The following PCDH15 variants were observed in gnomAD, a reference collection of about 807,000 sequenced individuals.
PCDH15 encodes protocadherin-15.
In PCDH15, 129 loss-of-function variants were observed where a neutral mutation model predicts 178.5. The observed-to-expected ratio is 0.72, with a 90% confidence interval of 0.63 to 0.84. PCDH15 has a LOEUF of 0.84. PCDH15 is among the 40% of genes least tolerant of loss of function. PCDH15 has a pLI of 0.00. For synonymous variants in PCDH15, 800 were observed against 732.0 expected, an observed-to-expected ratio of 1.09 and a Z score of -1.50; for missense variants, 2,230 against 2,099.9, an observed-to-expected ratio of 1.06 and a Z score of -1.21.
intron 3 of PCDH15, among the ~76,000 whole-genome samples, chr10:54,510,300 A>T (rs1175553755): frequency 6.6e-6 from 1 of 152,180 alleles, no homozygotes; most frequent in Admixed American, 6.6e-5. Flanking sequence ...TAGCCAAAGA[A>T]CATATCTACC....
At chr10:54,190,117 T>C (rs975650351) in intron 11 of PCDH15, among the ~76,000 whole-genome samples, 1 of 152,144 alleles carries the variant, frequency 6.6e-6, no homozygotes, top group African/African-American at 2.4e-5. Context: ...TGGCTATTGT[T>C]TCTTAAAATG....
At chr10:54,001,489 G>A (rs2092132822) in intron 20 of PCDH15, among the ~76,000 whole-genome samples, 1 of 152,066 alleles carries the variant, frequency 6.6e-6, no homozygotes, top group African/African-American at 2.4e-5. Context: ...TATGCAAACA[G>A]TGTTGTTATC....
chr10:55,075,450 C>G (rs1458859118), intron 2 of PCDH15, among the ~76,000 whole-genome samples: 2 of 150,094 alleles, frequency 1.3e-5, no homozygotes, highest in Non-Finnish European at 2.9e-5. Context: ...ACAGCAACCT[C>G]TGCCTCCCGG....
At chr10:54,539,215 T>C (rs2084922274) in intron 2 of PCDH15, among the ~76,000 whole-genome samples, 1 of 152,184 alleles carries the variant, frequency 6.6e-6, no homozygotes, top group Non-Finnish European at 1.5e-5. Flanking sequence ...CACCCATTCA[T>C]CTGGTATCTT....
rs76910857 is a variant in PCDH15 at position 54,251,935 on chromosome 10, T to C, written c.877-15004A>G. Among the ~76,000 whole-genome samples, 178 of 152,162 alleles carry C rather than the reference T, an allele frequency of 1.2e-3. 1 individual carries two copies. In the East Asian group the frequency reaches 0.027, roughly 23 times the overall value. ...AACTTTTAAAAATAATTTAATAGTG[T>C]TTCTTTTAGTCAATCTTATTAAATA... On this transcript the variant is annotated intron_variant, in intron 8 of 37. Transcript: ENST00000644397.
intron 1 of PCDH15, among the ~76,000 whole-genome samples, chr10:54,758,660 T>C (rs903326055): frequency 6.6e-6 from 1 of 152,144 alleles, no homozygotes; most frequent in Non-Finnish European, 1.5e-5. Flanking sequence ...TCAATGAGAG[T>C]ACTTGAATTA....
chr10:55,043,169 T>A (rs868282484), intron 2 of PCDH15, among the ~76,000 whole-genome samples: 1 of 152,114 alleles, frequency 6.6e-6, no homozygotes, highest in African/African-American at 2.4e-5. Context: ...GGGAAGTAGA[T>A]TTTTTTTCTA....
At chr10:54,434,055 A>T (rs2075211027) in intron 3 of PCDH15, among the ~76,000 whole-genome samples, 1 of 152,170 alleles carries the variant, frequency 6.6e-6, no homozygotes, top group African/African-American at 2.4e-5. Context: ...GTGTTTAACA[A>T]AAAAATTTAA....
chr10:54,198,220 C>T (rs958529282), intron 10 of PCDH15, among the ~76,000 whole-genome samples: 2 of 152,068 alleles, frequency 1.3e-5, no homozygotes, highest in African/African-American at 4.8e-5. Flanking sequence ...GATGGATGTT[C>T]TTTTAGGAGT....
chr10:55,437,242 T>C (rs2132064004), intron 2 of PCDH15, among the ~76,000 whole-genome samples: 1 of 135,952 alleles, frequency 7.4e-6, no homozygotes, highest in East Asian at 2.3e-4. Context: ...AAATAAGAGC[T>C]GCTGAGTCAG....
chr10:54,552,126 T>A (rs2086684317), intron 2 of PCDH15, among the ~76,000 whole-genome samples: 1 of 152,134 alleles, frequency 6.6e-6, no homozygotes, highest in Non-Finnish European at 1.5e-5. Flanking sequence ...TTTACTTAAA[T>A]TAGACATATT....
intron 8 of PCDH15, among the ~76,000 whole-genome samples, chr10:54,269,773 C>T (rs1238396244): frequency 1.3e-5 from 2 of 151,820 alleles, no homozygotes; most frequent in Non-Finnish European, 2.9e-5. Context: ...GTGGTATTAC[C>T]CATAAATGCT....
At chr10:54,402,089 T>G (rs1041298522) in intron 3 of PCDH15, among the ~76,000 whole-genome samples, 1 of 151,826 alleles carries the variant, frequency 6.6e-6, no homozygotes, top group African/African-American at 2.4e-5. Flanking sequence ...GTTGGTTTAA[T>G]GTATAAAATA....
chr10:55,162,129 A>G lies in PCDH15; in HGVS notation c.-80+4447T>C, dbSNP rs1839083669. Among the ~76,000 whole-genome samples, 3 of 152,130 alleles carry G rather than the reference A, an allele frequency of 2.0e-5. No individual in the cohort carries two copies. In the South Asian group the frequency reaches 6.2e-4, roughly 32 times the overall value. ...TGCTGGACTTAAATTATTTAATCTA[A>G]TTTAAATGGAGTCAGGAATACCAGA... On this transcript the variant is annotated intron_variant, in intron 2 of 5. Transcript: ENST00000458638.
intron 3 of PCDH15, among the ~76,000 whole-genome samples, chr10:54,387,478 A>G (rs1565149015): frequency 1.3e-5 from 2 of 152,240 alleles, no homozygotes; most frequent in African/African-American, 4.8e-5. Flanking sequence ...CCACTCATGA[A>G]AAAACAAATA....
intron 2 of PCDH15, among the ~76,000 whole-genome samples, chr10:54,988,647 T>C (rs1166858410): frequency 6.6e-6 from 1 of 152,158 alleles, no homozygotes; most frequent in East Asian, 1.9e-4. Context: ...AGAGATGATT[T>C]AGGGCATCTG....
intron 2 of PCDH15, among the ~76,000 whole-genome samples, chr10:55,566,962 A>T (rs895963195): frequency 6.6e-6 from 1 of 151,896 alleles, no homozygotes; most frequent in Non-Finnish European, 1.5e-5. Context: ...ATTTCAAGAG[A>T]CTCCAAATAG....
chr10:54,391,744 G>A (rs1950568254), intron 3 of PCDH15, among the ~76,000 whole-genome samples: 1 of 152,076 alleles, frequency 6.6e-6, no homozygotes, highest in Admixed American at 6.6e-5. Context: ...CCCATTTGTG[G>A]AAGCCAACTG....
intron 1 of PCDH15, among the ~76,000 whole-genome samples, chr10:54,765,616 A>G (rs1031301762): frequency 6.6e-6 from 1 of 152,190 alleles, no homozygotes; most frequent in African/African-American, 2.4e-5. Flanking sequence ...TATTACAGTG[A>G]AAAATACCTA....
Sources: allele counts gnomAD v4.1 joint callset (sites outside exome capture counted in the v4.1 genomes callset), GRCh38; gene constraint gnomAD v4.1.1; transcripts MANE v1.5; gene names NCBI Gene and HGNC (gene_info 2026-07-23, HGNC 2026-07-21).